ITGA9: variants seen among roughly 807,000 people sequenced by gnomAD.
The protein encoded by ITGA9 is integrin subunit alpha 9, also known as integrin alpha-9.
Under a neutral mutation model 127.8 loss-of-function variants are expected in ITGA9, and 56 were observed. The ratio of observed to expected loss-of-function variants is 0.44; its 90% CI spans 0.35 to 0.55. The LOEUF is 0.55. Among genes scored for constraint, ITGA9 ranks in the 20% least tolerant of loss-of-function variants. The pLI, the probability that ITGA9 is intolerant of heterozygous loss-of-function variation, is 0.00. For synonymous variants in ITGA9, 508 were observed against 514.5 expected (o/e 0.99, Z 0.17); for missense variants, 1,196 against 1,347.1 (o/e 0.89, Z 1.76).
At chr3:37,746,766 G>T (rs1395312154) in intron 22 of ITGA9, among the ~76,000 whole-genome samples, 1 of 151,904 alleles carries the variant, frequency 6.6e-6, no homozygotes, top group Non-Finnish European at 1.5e-5. Flanking sequence ...GTTCTTTTTT[G>T]AATCAGGAGT....
At chr3:37,746,704 A>G (rs935697353) in intron 22 of ITGA9, among the ~76,000 whole-genome samples, 1 of 152,156 alleles carries the variant, frequency 6.6e-6, no homozygotes, top group East Asian at 1.9e-4. Flanking sequence ...TATTTCAGCT[A>G]TGGTCAGATA....
intron 19 of ITGA9, among the ~76,000 whole-genome samples, chr3:37,734,956 G>C (rs1045633871): frequency 4.6e-5 from 7 of 152,182 alleles, no homozygotes; most frequent in African/African-American, 1.7e-4. Flanking sequence ...TGATTCCCTG[G>C]AGAAAGCCCA....
intron 5 of ITGA9, among the ~76,000 whole-genome samples, chr3:37,499,696 C>G (rs893542946): frequency 6.6e-6 from 1 of 152,088 alleles, no homozygotes; most frequent in Non-Finnish European, 1.5e-5. Flanking sequence ...CCCTGAGGGT[C>G]GCAGGCTTGG....
intron 14 of ITGA9, among the ~76,000 whole-genome samples, chr3:37,539,563 G>A (rs144811923): frequency 9.2e-5 from 14 of 152,272 alleles, no homozygotes; most frequent in African/African-American, 3.4e-4. Context: ...ATTTTTTTGG[G>A]AACCTTAGTC....
intron 1 of ITGA9, among the ~76,000 whole-genome samples, chr3:37,462,611 T>A (rs914319569): frequency 6.6e-6 from 1 of 152,092 alleles, no homozygotes; most frequent in African/African-American, 2.4e-5. Flanking sequence ...GTTCTCAGGG[T>A]TAGCCATGCT....
At chr3:37,743,903 G>C in intron 21 of ITGA9, 23 bp from the exon 22 acceptor site, 1 of 1,542,938 alleles carries the variant, frequency 6.5e-7, no homozygotes, top group Non-Finnish European at 9.0e-7. Context: ...GGGGATGACA[G>C]ATTTCATGCT....
chr3:37,621,861 A>G (rs2154761), intron 15 of ITGA9, among the ~76,000 whole-genome samples: 31,259 of 152,036 alleles, frequency 0.21, 3,417 homozygotes, highest in Middle Eastern at 0.27. Flanking sequence ...TGATTGAGAA[A>G]TTTTCAGAAA....
chr3:37,790,091 C>T (rs1697090000), intron 26 of ITGA9: 1 of 554,674 alleles, frequency 1.8e-6, no homozygotes, highest in Non-Finnish European at 3.5e-6. Context: ...AGTGTCAGTG[C>T]TTCTACAATG....
intron 16 of ITGA9, among the ~76,000 whole-genome samples, chr3:37,634,724 C>T (rs958606606): frequency 2.0e-5 from 3 of 152,180 alleles, no homozygotes; most frequent in African/African-American, 7.2e-5. Flanking sequence ...AAACATCAGA[C>T]TTAAACTACA....
At chr3:37,796,642 A>G (rs1697177564) in intron 26 of ITGA9, among the ~76,000 whole-genome samples, 1 of 152,218 alleles carries the variant, frequency 6.6e-6, no homozygotes, top group Non-Finnish European at 1.5e-5. Context: ...ATTTGCAAAT[A>G]TATTTTTGAA....
Position 37,660,363 on chromosome 3 carries a change from T to A in ITGA9, c.1916+6573T>A, listed in dbSNP as rs138232671. Among the ~76,000 whole-genome samples, 3 of 152,308 alleles carry A rather than the reference T, an allele frequency of 2.0e-5. No homozygotes were observed. In the East Asian group the frequency reaches 5.8e-4, roughly 29 times the overall value. On this transcript the variant is annotated intron_variant, in intron 17 of 27. Transcript: ENST00000264741. ...AATTTATTTTGGATCGTAGAAAAAC[T>A]TCATGTGGTGGGAAAATGTTCACTT... is the stretch of plus-strand genomic sequence containing the variant.
chr3:37,564,889 A>G (rs1699530493), intron 15 of ITGA9, among the ~76,000 whole-genome samples: 1 of 152,186 alleles, frequency 6.6e-6, no homozygotes, highest in South Asian at 2.1e-4. Context: ...TGAAACACCA[A>G]CCCTTAGGAA....
At chr3:37,784,892 G>A in intron 25 of ITGA9, 85 bp from the exon 26 acceptor site, 1 of 1,145,370 alleles carries the variant, frequency 8.7e-7, no homozygotes. Context: ...TGGAATCATG[G>A]AATTTCAGTT....
chr3:37,735,845 A>T (rs775399799), intron 19 of ITGA9, among the ~76,000 whole-genome samples: 5 of 152,236 alleles, frequency 3.3e-5, no homozygotes, highest in Non-Finnish European at 7.3e-5. Flanking sequence ...ACTGAACAAC[A>T]TTGACCCTAA....
At chr3:37,744,552 C>T (rs1028667276) in intron 22 of ITGA9, among the ~76,000 whole-genome samples, 1 of 152,252 alleles carries the variant, frequency 6.6e-6, no homozygotes, top group African/African-American at 2.4e-5. Context: ...TGCTCCCTCA[C>T]TGAGCCATGG....
intron 9 of ITGA9, among the ~76,000 whole-genome samples, chr3:37,516,627 A>G (rs560054825): frequency 2.0e-5 from 3 of 152,306 alleles, no homozygotes; most frequent in African/African-American, 7.2e-5. Context: ...TCTCACCTTG[A>G]CTGTTTTCAA....
At chr3:37,510,742 C>T (rs983157221) in intron 8 of ITGA9, among the ~76,000 whole-genome samples, 3 of 152,146 alleles carry the variant, frequency 2.0e-5, no homozygotes, top group African/African-American at 7.2e-5. Flanking sequence ...TTCTTGGCTT[C>T]GTAGCCATTT....
intron 17 of ITGA9, among the ~76,000 whole-genome samples, chr3:37,678,965 A>C (rs1229388773): frequency 5.9e-5 from 9 of 152,214 alleles, no homozygotes; most frequent in Admixed American, 2.0e-4. Context: ...TGCTAAACTT[A>C]AGTACAAACC....
intron 15 of ITGA9, among the ~76,000 whole-genome samples, chr3:37,616,652 A>G (rs1402254015): frequency 2.0e-5 from 3 of 152,138 alleles, no homozygotes; most frequent in Admixed American, 1.3e-4. Context: ...GTGCTCCTGT[A>G]TTGGGTGCAT....
Sources: allele counts gnomAD v4.1 joint callset (sites outside exome capture counted in the v4.1 genomes callset), GRCh38; gene constraint gnomAD v4.1.1; transcripts MANE v1.5; gene names NCBI Gene and HGNC (gene_info 2026-07-23, HGNC 2026-07-21).